Variants in LRRC4C observed in about 807,000 individuals in gnomAD.
The protein encoded by LRRC4C is leucine-rich repeat-containing protein 4C.
A neutral mutation model predicts 33.6 loss-of-function variants in LRRC4C; 5 were observed. The observed-to-expected ratio is 0.15, with a 90% CI of 0.08 to 0.31. LRRC4C has a LOEUF of 0.31. LRRC4C is among the 10% of genes least tolerant of loss of function. The pLI is 1.00. For missense variants in LRRC4C, 560 were observed against 796.7 expected (o/e 0.70, Z 3.58); for synonymous variants, 329 against 302.0 (o/e 1.09, Z -0.93).
intron 3 of LRRC4C, among the ~76,000 whole-genome samples, chr11:40,352,646 G>GCGTT (rs202106761): frequency 8.9e-6 from 1 of 112,408 alleles, no homozygotes; most frequent in Non-Finnish European, 2.0e-5. Context: ...ATAATATTCT[G>GCGTT]TGTTTGTGAA....
At chr11:40,835,918 T>C (rs1952649125) in intron 2 of LRRC4C, among the ~76,000 whole-genome samples, 3 of 152,182 alleles carry the variant, frequency 2.0e-5, no homozygotes, top group Admixed American at 1.3e-4. Flanking sequence ...TTAGTTTTGG[T>C]CTGATGCTGT....
intron 2 of LRRC4C, among the ~76,000 whole-genome samples, chr11:40,817,042 A>C (rs1346215127): frequency 1.3e-5 from 2 of 152,108 alleles, no homozygotes; most frequent in Non-Finnish European, 2.9e-5. Context: ...CTTAATCTGA[A>C]ACTAGCATAA....
chr11:40,244,497 T>C (rs565593772), intron 4 of LRRC4C, among the ~76,000 whole-genome samples: 13 of 152,326 alleles, frequency 8.5e-5, no homozygotes, highest in Admixed American at 2.6e-4. Flanking sequence ...CCACAAACCA[T>C]TGTCTGCTCT....
rs559598749 is a variant in LRRC4C at position 40,972,527 on chromosome 11, T to G, written c.-495-38804A>C. ...GTATTAGTTTGTTCTCATACTACTATAAAGAACTGTCCCAGACAGGGTAGT... is the reference window on the plus strand; with the variant it reads ...GTATTAGTTTGTTCTCATACTACTAGAAAGAACTGTCCCAGACAGGGTAGT... On this transcript the variant is annotated intron_variant, in intron 1 of 6. Transcript: ENST00000528697. 4.6e-5 allele frequency among the ~76,000 whole-genome samples: 7 copies of G among 152,254 alleles called. No homozygotes were observed. In the South Asian group the frequency reaches 1.5e-3, roughly 32 times the overall value.
intron 3 of LRRC4C, among the ~76,000 whole-genome samples, chr11:40,587,161 A>T (rs1263189663): frequency 1.3e-5 from 2 of 151,796 alleles, no homozygotes; most frequent in African/African-American, 4.8e-5. Flanking sequence ...TGAGCAGTGG[A>T]TTGTAGTTCT....
chr11:40,700,450 C>G (rs931771574), intron 2 of LRRC4C, among the ~76,000 whole-genome samples: 7 of 152,058 alleles, frequency 4.6e-5, no homozygotes, highest in Admixed American at 1.3e-4. Context: ...TCTGTTAATA[C>G]TAATAGGTTA....
chr11:40,202,019 C>T (rs2135735319), intron 5 of LRRC4C, among the ~76,000 whole-genome samples: 1 of 152,072 alleles, frequency 6.6e-6, no homozygotes, highest in South Asian at 2.1e-4. Flanking sequence ...GATCTTTGTT[C>T]AAATCTCATT....
At chr11:41,221,607 T>C (rs2136388910) in intron 1 of LRRC4C, among the ~76,000 whole-genome samples, 1 of 152,306 alleles carries the variant, frequency 6.6e-6, no homozygotes, top group African/African-American at 2.4e-5. Flanking sequence ...AGGAATAAGT[T>C]CATTGTATCA....
intron 1 of LRRC4C, among the ~76,000 whole-genome samples, chr11:41,231,234 C>T (rs929091335): frequency 1.3e-5 from 2 of 151,966 alleles, no homozygotes; most frequent in Admixed American, 6.6e-5. Flanking sequence ...GAACTAGAAA[C>T]ACCATTTGAC....
rs1953714825 is a variant in LRRC4C, at chr11:40,483,795, ATATATATG to A, written c.-269-164082_-269-164075del. On this transcript the variant is annotated intron_variant, in intron 3 of 6. Transcript: ENST00000528697. ...TGTGTATATATATGTATATATATGT[ATATATATG>A]TATATGTATGTATATACATATATAT... Among the ~76,000 whole-genome samples, 3 of 150,832 alleles carry A rather than the reference ATATATATG, an allele frequency of 2.0e-5. No homozygotes were observed. The Admixed American group carries it at 2.0e-4, about 10-fold the overall frequency.
chr11:40,653,734 T>A (rs553923171), intron 2 of LRRC4C, among the ~76,000 whole-genome samples: 1 of 152,296 alleles, frequency 6.6e-6, no homozygotes, highest in South Asian at 2.1e-4. Context: ...GAAATTTGCA[T>A]AAGTAATGAG....
intron 3 of LRRC4C, among the ~76,000 whole-genome samples, chr11:40,463,330 G>A (rs1232205445): frequency 6.6e-6 from 1 of 151,208 alleles, no homozygotes; most frequent in Non-Finnish European, 1.5e-5. Context: ...GTGTGTGTGT[G>A]TGTGTGTGTG....
At chr11:41,239,430 C>T (rs1948161858) in intron 1 of LRRC4C, among the ~76,000 whole-genome samples, 1 of 151,182 alleles carries the variant, frequency 6.6e-6, no homozygotes, top group Non-Finnish European at 1.5e-5. Flanking sequence ...CCTATTTCTC[C>T]TCTCTCTCAA....
At chr11:40,572,938 C>A (rs1404607067) in intron 3 of LRRC4C, among the ~76,000 whole-genome samples, 4 of 152,138 alleles carry the variant, frequency 2.6e-5, no homozygotes, top group Non-Finnish European at 5.9e-5. Context: ...TAACTGTTCT[C>A]TTTGTAGTCT....
intron 1 of LRRC4C, among the ~76,000 whole-genome samples, chr11:41,031,734 T>C (rs1385952357): frequency 6.6e-6 from 1 of 152,040 alleles, no homozygotes; most frequent in Non-Finnish European, 1.5e-5. Context: ...TGGATTCAAA[T>C]GCCAGTTGGC....
rs1253293115 is a variant in LRRC4C, at chr11:41,384,418, G to A, written c.-496+75013C>T. 2.6e-5 allele frequency among the ~76,000 whole-genome samples: 4 copies of A among 151,796 alleles called. No individual in the cohort carries two copies. In the East Asian group the frequency reaches 7.8e-4, roughly 30 times the overall value. The stretch of plus-strand genomic sequence containing the variant: ...ACTTCATACAACAGTAGAATATAAA[G>A]CCATAAACAATAGAAACCTGGGGAA... On this transcript the variant is annotated intron_variant, in intron 1 of 6. Transcript: ENST00000528697.
intron 1 of LRRC4C, among the ~76,000 whole-genome samples, chr11:41,276,655 A>G (rs191958672): frequency 6.6e-6 from 1 of 152,262 alleles, no homozygotes; most frequent in East Asian, 1.9e-4. Context: ...GAAGCTGTGA[A>G]TGTTATTTTA....
At chr11:40,810,881 C>CT (rs1215640892) in intron 2 of LRRC4C, among the ~76,000 whole-genome samples, 5 of 152,106 alleles carry the variant, frequency 3.3e-5, no homozygotes, top group Non-Finnish European at 7.4e-5. Flanking sequence ...GTCCAGAATA[C>CT]TTTTTTCCAA....
At chr11:41,305,342 G>C (rs1283254121) in intron 1 of LRRC4C, among the ~76,000 whole-genome samples, 6 of 52,296 alleles carry the variant, frequency 1.1e-4, no homozygotes, top group African/African-American at 2.1e-4. Context: ...GCCTCTGCCC[G>C]GCCGTCCCTA....
Sources: allele counts gnomAD v4.1 joint callset (sites outside exome capture counted in the v4.1 genomes callset), GRCh38; gene constraint gnomAD v4.1.1; transcripts MANE v1.5; gene names NCBI Gene and HGNC (gene_info 2026-07-23, HGNC 2026-07-21).